The following GIT2 variants were observed in gnomAD, a reference collection of about 807,000 sequenced individuals.
The protein encoded by GIT2 is ARF GTPase-activating protein GIT2.
In GIT2, 32 loss-of-function variants were observed where a neutral mutation model predicts 100.3. That is an observed-to-expected ratio of 0.32 (90% CI 0.24 to 0.43). The LOEUF (loss-of-function observed/expected upper bound fraction) is 0.43. Among genes scored for constraint, GIT2 ranks in the 20% least tolerant of loss-of-function variants. The pLI is 1.00. For synonymous variants in GIT2, 353 were observed against 364.1 expected (o/e 0.97, Z 0.35); for missense variants, 737 against 975.1 (o/e 0.76, Z 3.25).
At chr12:109,940,917 GAAAA>G (rs369131328) in intron 16 of GIT2, among the ~76,000 whole-genome samples, 12 of 112,934 alleles carry the variant, frequency 1.1e-4, no homozygotes, top group African/African-American at 3.8e-4. Context: ...AAACCAAAAA[GAAAA>G]AAAAAAAAAA....
intron 12 of GIT2, 115 bp downstream of exon 12, chr12:109,959,732 C>T (rs953213901): frequency 1.5e-6 from 1 of 671,942 alleles, no homozygotes. Flanking sequence ...AACAAAAAAC[C>T]AAAAACCTAT....
At position 109,932,894 on chromosome 12, in the gene GIT2, TAGAAA is replaced by T; in HGVS notation, c.*79_*83del. ...AACCGTCATTAAATGTTTCTTTTTG[TAGAAA>T]TCTGAAGAGTTCTGCGTCTGAATTT... is the stretch of plus-strand genomic sequence containing the variant. On this transcript the variant is annotated 3_prime_UTR_variant, in exon 20 of 20. Transcript: ENST00000355312. 1.3e-6 allele frequency: 1 copy of T among 776,152 alleles called. No homozygotes were observed. Among genetic ancestry groups the T allele is most frequent in the Admixed American group, 2.1e-5 (1 of 46,582 alleles). 48.1% of individuals were successfully genotyped at this position (776,152 alleles called of 1,614,324 possible). A position where few individuals can be genotyped will look rare whatever the true frequency, so the allele number is the denominator to read the frequency against.
chr12:109,992,341 T>C (rs934518267), intron 1 of GIT2, among the ~76,000 whole-genome samples: 12 of 151,856 alleles, frequency 7.9e-5, no homozygotes, highest in Admixed American at 1.3e-4. Flanking sequence ...GAGACGGGGA[T>C]TCATCATGTT....
chr12:109,991,969 G>C (rs527671543), intron 1 of GIT2: 1 of 480,318 alleles, frequency 2.1e-6, no homozygotes, highest in Non-Finnish European at 3.7e-6. Flanking sequence ...AAAAACACCA[G>C]TGGGAGCCTT....
At position 109,933,248 on chromosome 12, in the gene GIT2, G is replaced by A. The variant is rs1871995191; in HGVS notation, c.2068-58C>T. On this transcript the variant is annotated intron_variant, in intron 19 of 19. Coordinates refer to ENST00000355312, the MANE Select transcript of GIT2 (RefSeq NM_057169.5). The surrounding 1 kb of genome is among the most constrained non-coding windows in gnomAD (Gnocchi z 4.5). ...CTGCAGGGCAGACATCCAAAAGCAG[G>A]GGACAAACATTCTTCTAAAGCAAAC... The A allele has an allele frequency of 2.9e-6, 3 of 1,024,200 alleles. No individual in the cohort carries two copies. The highest frequency in any genetic ancestry group is 4.5e-6 in the Non-Finnish European group (3 of 671,408). 63.4% of individuals were successfully genotyped at this position (1,024,200 alleles called of 1,614,324 possible). A position where few individuals can be genotyped will look rare whatever the true frequency, so the allele number is the denominator to read the frequency against.
At chr12:109,955,264 C>T (rs970125173) in intron 12 of GIT2, among the ~76,000 whole-genome samples, 1 of 152,136 alleles carries the variant, frequency 6.6e-6, no homozygotes, top group African/African-American at 2.4e-5. Flanking sequence ...GCTAAGACTA[C>T]AAGCGCCCGC....
In GIT2 at chr12:109,947,733, G is replaced by A; in HGVS notation, c.1393-229C>T. The A allele has an allele frequency of 2.0e-6, 1 of 508,186 alleles. No homozygotes were observed. Among genetic ancestry groups the A allele is most frequent in the Non-Finnish European group, 3.5e-6 (1 of 285,738 alleles). The allele number at this position is 508,186 out of a possible 1,614,324, so 31.5% of individuals were successfully genotyped here. ...ATTAAATAGCTTCATTTCTGAATGT[G>A]GAAAAGTTGTGGTTTGGACTTCCTC... is the stretch of plus-strand genomic sequence containing the variant. On this transcript the variant is annotated intron_variant, in intron 14 of 19. Coordinates refer to ENST00000355312, the MANE Select transcript of GIT2 (RefSeq NM_057169.5). The surrounding 1 kb of genome is among the most constrained non-coding windows in gnomAD (Gnocchi z 4.3).
intron 1 of GIT2, 132 bp downstream of exon 1, chr12:109,996,041 C>T (rs1889350072): frequency 1.7e-6 from 1 of 591,506 alleles, no homozygotes; most frequent in Non-Finnish European, 2.8e-6. Context: ...ACGGTTCCCA[C>T]CCCAAGGCCG....
intron 1 of GIT2, among the ~76,000 whole-genome samples, chr12:109,993,822 T>C (rs1888843116): frequency 6.6e-6 from 1 of 151,908 alleles, no homozygotes; most frequent in South Asian, 2.1e-4. Flanking sequence ...TTCAAGTAAT[T>C]GAACTCAGAG....
intron 1 of GIT2, among the ~76,000 whole-genome samples, chr12:109,995,643 T>G (rs935710749): frequency 6.6e-6 from 1 of 152,178 alleles, no homozygotes; most frequent in African/African-American, 2.4e-5. Flanking sequence ...TGGTTGTGTT[T>G]GGAAGACCCC....
intron 7 of GIT2, among the ~76,000 whole-genome samples, chr12:109,977,751 G>C (rs1885403377): frequency 6.6e-6 from 1 of 152,066 alleles, no homozygotes; most frequent in East Asian, 1.9e-4. Flanking sequence ...GAACCTGGGA[G>C]GCGGAGGTTT....
chr12:109,997,932 T>C (rs1463977999), upstream of GIT2: 1 of 152,218 alleles, frequency 6.6e-6, no homozygotes, highest in Non-Finnish European at 1.5e-5. Flanking sequence ...GTCTTACATA[T>C]AAACACAGCT....
rs574241436 is a variant in GIT2 at position 109,961,329 on chromosome 12, C to T, written c.936G>A (p.Thr312=). 23 of 1,613,516 alleles carry T rather than the reference C, an allele frequency of 1.4e-5. No individual in the cohort carries two copies. Among genetic ancestry groups the T allele is most frequent in the African/African-American group, 9.3e-5 (7 of 74,902 alleles). The change falls in exon 11 of 20, where the codon ACG becomes ACA. Residue 312 remains threonine (T), a synonymous_variant. Coordinates refer to ENST00000355312, the MANE Select transcript of GIT2 (RefSeq NM_057169.5). Reference sequence around the variant, plus strand: ...GATTGACCGGAAGAAAGGGGACGACCGTTGTCTCGGTTACCAGGGCGCTGT... The same window carrying T: ...GATTGACCGGAAGAAAGGGGACGACTGTTGTCTCGGTTACCAGGGCGCTGT... ...QNHSALVTET[T]VVPFLPVNPE...
chr12:109,976,560 G>C (rs1020855442), intron 7 of GIT2, among the ~76,000 whole-genome samples: 2 of 149,248 alleles, frequency 1.3e-5, no homozygotes, highest in Non-Finnish European at 3.0e-5. Flanking sequence ...CTGGGATTAC[G>C]GGCGTGAGCC....
At chr12:109,945,404 A>G (rs1321112990) in intron 15 of GIT2, 55 bp from the exon 16 acceptor site, 11 of 852,418 alleles carry the variant, frequency 1.3e-5, no homozygotes, top group Non-Finnish European at 2.2e-5. Flanking sequence ...CCAAAAACCT[A>G]CCACCTTGCC....
intron 6 of GIT2, 141 bp from the exon 7 acceptor site, chr12:109,981,187 G>A (rs763129869): frequency 1.5e-6 from 1 of 651,172 alleles, no homozygotes; most frequent in South Asian, 1.8e-5. Flanking sequence ...GTGGTAGGTA[G>A]ATTTCTGAAG....
intron 7 of GIT2, among the ~76,000 whole-genome samples, chr12:109,980,045 C>T (rs192658931): frequency 1.1e-4 from 17 of 152,258 alleles, no homozygotes; most frequent in South Asian, 2.1e-4. Flanking sequence ...TAATTGGGCG[C>T]GGCTTTCTTG....
At chr12:109,992,140 C>CTTTTTTTTTTTTTTTT (rs35643426) in intron 1 of GIT2, 1 of 92,188 alleles carries the variant, frequency 1.1e-5, no homozygotes, top group Non-Finnish European at 2.0e-5. Context: ...CAAGATAATA[C>CTTTTTTTTTTTTTTTT]TTTTTTTTTT....
intron 16 of GIT2, among the ~76,000 whole-genome samples, chr12:109,944,047 C>CT (rs1283079812): frequency 6.6e-6 from 1 of 152,162 alleles, no homozygotes; most frequent in African/African-American, 2.4e-5. Flanking sequence ...TGGCGCATGC[C>CT]TGTAGGCCCA....
Sources: allele counts gnomAD v4.1 joint callset (sites outside exome capture counted in the v4.1 genomes callset), GRCh38; gene constraint gnomAD v4.1.1; non-coding constraint Gnocchi (gnomAD v3.1); transcripts MANE v1.5; gene names NCBI Gene and HGNC (gene_info 2026-07-23, HGNC 2026-07-21).